The following MON1A variants were observed in gnomAD, a reference collection of about 807,000 sequenced individuals.
MON1A encodes the protein vacuolar fusion protein MON1 homolog A.
In MON1A, 29 loss-of-function variants were observed where a neutral mutation model predicts 44.6. That is an observed-to-expected ratio of 0.65 (90% CI 0.48 to 0.89). MON1A has a LOEUF of 0.89. Ranked by LOEUF, MON1A falls within the 40% of genes least tolerant of loss-of-function variation. The pLI, the probability that MON1A is intolerant of heterozygous loss-of-function variation, is 0.00. For missense variants in MON1A, 615 were observed against 759.6 expected, an observed-to-expected ratio of 0.81 and a Z score of 2.24; for synonymous variants, 275 against 316.4, an observed-to-expected ratio of 0.87 and a Z score of 1.39.
At chr3:49,924,908 A>G (rs1017312914) in intron 1 of MON1A, among the ~76,000 whole-genome samples, 6 of 152,194 alleles carry the variant, frequency 3.9e-5, no homozygotes, top group African/African-American at 1.4e-4. Flanking sequence ...GAAGCAGATC[A>G]TCTAGGCCCA....
chr3:49,918,165 C>G (rs1025269293), intron 1 of MON1A, among the ~76,000 whole-genome samples: 1 of 151,842 alleles, frequency 6.6e-6, no homozygotes, highest in African/African-American at 2.4e-5. Flanking sequence ...GGTGAAACCC[C>G]ATCTCTACTA....
rs2082881520 is a variant in MON1A at position 49,911,242 on chromosome 3, A to ATAGATAGATAGATAGATAGATAGG, written c.613+283_613+284insCCTATCTATCTATCTATCTATCTA. Among the ~76,000 whole-genome samples the ATAGATAGATAGATAGATAGATAGG allele has an allele frequency of 8.4e-6, 1 of 118,440 alleles. No homozygotes were observed. The highest frequency in any genetic ancestry group is 1.9e-5 in the Non-Finnish European group (1 of 52,168). The allele number at this position is 118,440 out of a possible 152,430, so 77.7% of individuals were successfully genotyped here. On this transcript the variant is annotated intron_variant, in intron 3 of 5. Transcript: ENST00000296473. This position sits in a 1 kb window ranked among gnomAD's most constrained non-coding sequence, Gnocchi z 5.7. ...GATAGATAGATAGATAGATAGATAG[A>ATAGATAGATAGATAGATAGATAGG]TAGAGTTTGTTGTTGTTGTTGTTGT... is the stretch of plus-strand genomic sequence containing the variant.
intron 1 of MON1A, among the ~76,000 whole-genome samples, chr3:49,923,050 C>G (rs902183070): frequency 6.7e-6 from 1 of 150,184 alleles, no homozygotes; most frequent in African/African-American, 2.4e-5. Flanking sequence ...GGTGAAAAAC[C>G]GTGGAGTCAG....
chr3:49,924,331 TC>T (rs2083030819), intron 1 of MON1A, among the ~76,000 whole-genome samples: 1 of 152,184 alleles, frequency 6.6e-6, no homozygotes, highest in African/African-American at 2.4e-5. Flanking sequence ...CTTTGCATAC[TC>T]CCTTTCCACA....
At position 49,910,004 on chromosome 3, in the gene MON1A, G is replaced by A; in HGVS notation, c.1379+115C>T. The A allele has an allele frequency of 8.2e-7, 1 of 1,223,112 alleles. No individual in the cohort carries two copies. The highest frequency in any genetic ancestry group is 1.1e-6 in the Non-Finnish European group (1 of 871,026). The allele number at this position is 1,223,112 out of a possible 1,614,324, so 75.8% of individuals were successfully genotyped here. A position where few individuals can be genotyped will look rare whatever the true frequency, so the allele number is the denominator to read the frequency against. On this transcript the variant is annotated intron_variant, in intron 4 of 5. Transcript: ENST00000296473. The surrounding 1 kb of genome is among the most constrained non-coding windows in gnomAD (Gnocchi z 8.0). ...TAAAACAGGCCCAGCACACTGGTCTGCTTCCAAAGGTAGGGACAGCTTCAG... is the reference window on the plus strand; with the variant it reads ...TAAAACAGGCCCAGCACACTGGTCTACTTCCAAAGGTAGGGACAGCTTCAG...
At position 49,910,345 on chromosome 3, in the gene MON1A, G is replaced by C. The variant is rs147528108; in HGVS notation, c.1153C>G (p.Leu385Val). 31 of 1,614,112 alleles carry C rather than the reference G, an allele frequency of 1.9e-5. No individual in the cohort carries two copies. The highest frequency in any genetic ancestry group is 2.5e-5 in the Non-Finnish European group (30 of 1,180,048). Residue 385 changes from leucine to valine, a missense_variant, in exon 4 of 6, where the codon CTA becomes GTA. Coordinates refer to ENST00000296473, the MANE Select transcript of MON1A (RefSeq NM_032355.4). The surrounding 1 kb of genome is among the most constrained non-coding windows in gnomAD (Gnocchi z 8.0). ...AGFFHAHISY[L>V]EPDTDLCLLL... Reference sequence around the variant, plus strand: ...AGGCAGAGGTCAGTGTCAGGCTCTAGGTAAGAGATGTGTGCGTGGAAGAAG... The same window carrying C: ...AGGCAGAGGTCAGTGTCAGGCTCTACGTAAGAGATGTGTGCGTGGAAGAAG...
At position 49,911,247 on chromosome 3, in the gene MON1A, G is replaced by T. The variant is rs1005167862; in HGVS notation, c.613+279C>A. On this transcript the variant is annotated intron_variant, in intron 3 of 5. Coordinates refer to ENST00000296473, the MANE Select transcript of MON1A (RefSeq NM_032355.4). This position sits in a 1 kb window ranked among gnomAD's most constrained non-coding sequence, Gnocchi z 5.7. Reference sequence around the variant, plus strand: ...ATAGATAGATAGATAGATAGATAGAGTTTGTTGTTGTTGTTGTTGTTGCCT... The same window carrying T: ...ATAGATAGATAGATAGATAGATAGATTTTGTTGTTGTTGTTGTTGTTGCCT... Among the ~76,000 whole-genome samples the T allele has an allele frequency of 2.0e-5, 1 of 51,256 alleles. No individual in the cohort carries two copies. The highest frequency in any genetic ancestry group is 8.7e-5 in the African/African-American group (1 of 11,500). 33.6% of individuals were successfully genotyped at this position (51,256 alleles called of 152,430 possible).
Position 49,929,601 on chromosome 3 carries a change from C to T in MON1A, c.-14+8G>A, listed in dbSNP as rs1478369730. 4.5e-6 allele frequency: 7 copies of T among 1,551,358 alleles called. No homozygotes were observed. The highest frequency in any genetic ancestry group is 1.7e-4 in the Middle Eastern group (1 of 6,008). ...CCTCCAGGCCACGTGGGCTGGCAGT[C>T]AACTCACCTGTTTCTCAGAGGAGTC... On this transcript the variant is annotated splice_region_variant and intron_variant, in intron 1 of 5. Transcript: ENST00000296473.
chr3:49,911,733 T>TG lies in MON1A; in HGVS notation c.405dup (p.Arg136GlnfsTer9), dbSNP rs1216067652. On this transcript the variant is annotated frameshift_variant, in exon 3 of 6. Transcript: ENST00000296473. LOFTEE classifies it high-confidence loss of function. This position sits in a 1 kb window ranked among gnomAD's most constrained non-coding sequence, Gnocchi z 5.7. ...TCATCCCCCTCGGTTGTGCCCTCCC[T>TG]GGGGGGCTCTGTGGCTGGTCGCCCA... 3 of 1,613,704 alleles carry TG rather than the reference T, an allele frequency of 1.9e-6. No homozygotes were observed. Among genetic ancestry groups the TG allele is most frequent in the Non-Finnish European group, 2.5e-6 (3 of 1,179,850 alleles).
At chr3:49,928,447 C>G (rs1185554469) in intron 1 of MON1A, among the ~76,000 whole-genome samples, 1 of 152,138 alleles carries the variant, frequency 6.6e-6, no homozygotes, top group Non-Finnish European at 1.5e-5. Context: ...CCTTCTCAGA[C>G]AACCCCTCTA....
At position 49,911,414 on chromosome 3, in the gene MON1A, T is replaced by G; in HGVS notation, c.613+112A>C. ...TGAAGCTCAGAGAGGTAGAGGGACT[T>G]ACCCTCAGTCACACAGCACATCCCA... On this transcript the variant is annotated intron_variant, in intron 3 of 5. Coordinates refer to ENST00000296473, the MANE Select transcript of MON1A (RefSeq NM_032355.4). This position sits in a 1 kb window ranked among gnomAD's most constrained non-coding sequence, Gnocchi z 5.7. The G allele has an allele frequency of 7.0e-7, 1 of 1,435,212 alleles. No homozygotes were observed. The highest frequency in any genetic ancestry group is 2.3e-5 in the Admixed American group (1 of 44,272). The allele number at this position is 1,435,212 out of a possible 1,614,324, so 88.9% of individuals were successfully genotyped here. A position where few individuals can be genotyped will look rare whatever the true frequency, so the allele number is the denominator to read the frequency against.
At chr3:49,920,890 G>A (rs971987710) in intron 1 of MON1A, among the ~76,000 whole-genome samples, 10 of 151,680 alleles carry the variant, frequency 6.6e-5, no homozygotes, top group Non-Finnish European at 1.3e-4. Flanking sequence ...GGGTATGGTG[G>A]CTTACACCTG....
rs2082871299 is a variant in MON1A at position 49,910,956 on chromosome 3, G to A, written c.614-72C>T. ...CCTCCGAAAACCGCCTTCCAGCGCA[G>A]CTCTTCGCTTTCCCCATCCTTTCCT... On this transcript the variant is annotated intron_variant, in intron 3 of 5. Coordinates refer to ENST00000296473, the MANE Select transcript of MON1A (RefSeq NM_032355.4). The surrounding 1 kb of genome is among the most constrained non-coding windows in gnomAD (Gnocchi z 8.0). The A allele has an allele frequency of 2.8e-6, 4 of 1,424,792 alleles. No homozygotes were observed. In the South Asian group the frequency reaches 5.3e-5, roughly 19 times the overall value. The allele number at this position is 1,424,792 out of a possible 1,614,324, so 88.3% of individuals were successfully genotyped here.
In MON1A at chr3:49,911,770, G is replaced by C; in HGVS notation, c.369C>G (p.Pro123=). The C allele has an allele frequency of 6.2e-7, 1 of 1,613,586 alleles. No homozygotes were observed. Among genetic ancestry groups the C allele is most frequent in the South Asian group, 1.1e-5 (1 of 91,070 alleles). The part of the protein sequence containing the change: ...LPGSSEDWLE[P]PGAVGRPATE... The stretch of plus-strand genomic sequence containing the variant: ...TGGCTGGTCGCCCAACTGCCCCTGG[G>C]GGTTCCAGCCAATCCTCAGAGCTTC... The change falls in exon 3 of 6, where the codon CCC becomes CCG. Residue 123 remains proline, a synonymous_variant. Coordinates refer to ENST00000296473, the MANE Select transcript of MON1A (RefSeq NM_032355.4). The surrounding 1 kb of genome is among the most constrained non-coding windows in gnomAD (Gnocchi z 5.7).
At chr3:49,929,574 T>G in intron 1 of MON1A, 35 bp downstream of exon 1, 2 of 1,550,608 alleles carry the variant, frequency 1.3e-6, no homozygotes, top group South Asian at 2.4e-5. Flanking sequence ...AGTCTCTAGG[T>G]GCCTCCAGGC....
In MON1A at chr3:49,909,933, G is replaced by C; in HGVS notation, c.1379+186C>G. 1.6e-6 allele frequency: 1 copy of C among 641,638 alleles called. No individual in the cohort carries two copies. The highest frequency in any genetic ancestry group is 2.7e-6 in the Non-Finnish European group (1 of 371,050). 39.7% of individuals were successfully genotyped at this position (641,638 alleles called of 1,614,324 possible). A position where few individuals can be genotyped will look rare whatever the true frequency, so the allele number is the denominator to read the frequency against. ...GCCTTCTGGTTAATAAAGTAGAGAG[G>C]GTATGCTCATGGGGTGATGGAGAGT... On this transcript the variant is annotated intron_variant, in intron 4 of 5. Coordinates refer to ENST00000296473, the MANE Select transcript of MON1A (RefSeq NM_032355.4). This position sits in a 1 kb window ranked among gnomAD's most constrained non-coding sequence, Gnocchi z 4.0.
At chr3:49,921,758 C>T (rs1559495653) in intron 1 of MON1A, among the ~76,000 whole-genome samples, 1 of 151,576 alleles carries the variant, frequency 6.6e-6, no homozygotes, top group Non-Finnish European at 1.5e-5. Flanking sequence ...TTCCTGGGCT[C>T]AAGTGAACTT....
At chr3:49,924,609 GA>G in intron 1 of MON1A, 1 of 205,240 alleles carries the variant, frequency 4.9e-6, no homozygotes, top group Non-Finnish European at 1.1e-5. Flanking sequence ...AACCCGGGGG[GA>G]GGCAGAGGTT....
At chr3:49,920,016 G>A (rs545439470) in intron 1 of MON1A, among the ~76,000 whole-genome samples, 1 of 152,308 alleles carries the variant, frequency 6.6e-6, no homozygotes, top group South Asian at 2.1e-4. Flanking sequence ...TGGCCAGAGG[G>A]ACTGGGAAAT....
Sources: allele counts gnomAD v4.1 joint callset (sites outside exome capture counted in the v4.1 genomes callset), GRCh38; gene constraint gnomAD v4.1.1; non-coding constraint Gnocchi (gnomAD v3.1); transcripts MANE v1.5; gene names NCBI Gene and HGNC (gene_info 2026-07-23, HGNC 2026-07-21).